KIAA0319: variants seen among roughly 807,000 people sequenced by gnomAD.
KIAA0319 encodes the protein dyslexia-associated protein KIAA0319.
KIAA0319 carries 83 observed loss-of-function variants against 108.4 expected under a neutral mutation model. The observed-to-expected ratio is 0.77, with a 90% confidence interval of 0.64 to 0.92. The LOEUF is 0.92. KIAA0319 is among the 40% of genes least tolerant of loss of function. The pLI is 0.00. For synonymous variants in KIAA0319, 484 were observed against 510.4 expected, an observed-to-expected ratio of 0.95 and a Z score of 0.70; for missense variants, 1,195 against 1,322.4, an observed-to-expected ratio of 0.90 and a Z score of 1.49.
intron 1 of KIAA0319, among the ~76,000 whole-genome samples, chr6:24,644,180 G>A (rs188327744): frequency 3.3e-5 from 5 of 152,282 alleles, no homozygotes; most frequent in Admixed American, 6.5e-5. Flanking sequence ...CATGGTCCCC[G>A]TCTGAGTGAG....
rs1484669399 is a variant in KIAA0319, at chr6:24,559,145, C to A, written c.2602G>T (p.Val868Leu). Residue 868 changes from valine to leucine, a missense_variant, in exon 17 of 21, where the codon GTG becomes TTG. Val to Leu is a conservative substitution (Grantham distance 32). Transcript: ENST00000378214. ...RAHSDLSTVI[V>L]FYVQSRPPFK... ...GGCGGCCTGCTCTGTACATAAAACA[C>A]AATCACGGTGCTGTGGAGGAGACAA... 1.2e-6 allele frequency: 2 copies of A among 1,612,936 alleles called. No homozygotes were observed. The highest frequency in any genetic ancestry group is 2.2e-5 in the South Asian group (2 of 90,976).
chr6:24,616,647 C>T (rs886714139), intron 1 of KIAA0319, among the ~76,000 whole-genome samples: 9 of 152,168 alleles, frequency 5.9e-5, no homozygotes, highest in South Asian at 2.1e-4. Flanking sequence ...CCACCGTGCT[C>T]GGCCTGGTTA....
chr6:24,561,668 G>A (rs918828487), intron 16 of KIAA0319, among the ~76,000 whole-genome samples: 2 of 151,864 alleles, frequency 1.3e-5, no homozygotes, highest in Non-Finnish European at 2.9e-5. Flanking sequence ...TCAGCCTCCT[G>A]GGTAGCTGAG....
chr6:24,638,848 G>T lies in KIAA0319; in HGVS notation c.-106+6888C>A, dbSNP rs187864228. ...TACTAGGGATCTAAGGTACAGCATG[G>T]TAATTATAGTTAACAATCCTGTATT... On this transcript the variant is annotated intron_variant, in intron 1 of 20. Coordinates refer to ENST00000378214, the MANE Select transcript of KIAA0319 (RefSeq NM_014809.4). Among the ~76,000 whole-genome samples the T allele has an allele frequency of 2.1e-4, 32 of 152,210 alleles. No individual in the cohort carries two copies. The East Asian group carries it at 6.0e-3, about 28-fold the overall frequency.
Position 24,554,611 on chromosome 6 carries a change from T to A in KIAA0319, c.2878A>T (p.Thr960Ser). The change falls in exon 19 of 21, where the codon ACA becomes TCA. Residue 960 changes from threonine (T) to serine (S), a missense_variant. By Grantham distance (58) the Thr-to-Ser change is moderately conservative. Transcript: ENST00000378214. ...SNCEWSIFYVTVLAFTLIVLT... is the reference protein window; with the variant it reads ...SNCEWSIFYVSVLAFTLIVLT... ...ACAATAAGAGTAAAAGCCAACACTGTCACATAGAATATACTCCACTCTGAA... is the reference window on the plus strand; with the variant it reads ...ACAATAAGAGTAAAAGCCAACACTGACACATAGAATATACTCCACTCTGAA... The A allele has an allele frequency of 6.2e-7, 1 of 1,613,554 alleles. No homozygotes were observed. Among genetic ancestry groups the A allele is most frequent in the South Asian group, 1.1e-5 (1 of 91,046 alleles).
chr6:24,624,017 C>CTTTTTTTTTTTTTTTTTTTT (rs536970883), intron 1 of KIAA0319, among the ~76,000 whole-genome samples: 1 of 50,540 alleles, frequency 2.0e-5, no homozygotes, highest in Non-Finnish European at 3.6e-5. Flanking sequence ...TCTTTGTTTT[C>CTTTTTTTTTTTTTTTTTTTT]TTTTTTTTTT....
chr6:24,598,335 G>A (rs1770066300), intron 2 of KIAA0319: 11 of 672,394 alleles, frequency 1.6e-5, no homozygotes, highest in South Asian at 1.2e-4. Flanking sequence ...TCAACAACAA[G>A]TTTACCTCCT....
At chr6:24,581,199 A>AT (rs1309395354) in intron 6 of KIAA0319, among the ~76,000 whole-genome samples, 186 bp from the exon 7 acceptor site, 1 of 152,220 alleles carries the variant, frequency 6.6e-6, no homozygotes, top group Non-Finnish European at 1.5e-5. Flanking sequence ...CTGGAGCACT[A>AT]AAGATCACCT....
chr6:24,578,153 C>T lies in KIAA0319; in HGVS notation c.1462G>A (p.Val488Ile), dbSNP rs200269190. 39 of 1,613,252 alleles carry T rather than the reference C, an allele frequency of 2.4e-5. No homozygotes were observed. Among genetic ancestry groups the T allele is most frequent in the Admixed American group, 5.0e-5 (3 of 59,918 alleles). ...GGATCAAGGTTAGACAAGCGTAAGA[C>T]GGGAGAGTCAACTGAAGTCTTCTCT... ...IEEKTSVDSPVLRLSNLDPGN... is the reference protein window; with the variant it reads ...IEEKTSVDSPILRLSNLDPGN... The change falls in exon 9 of 21, where the codon GTC becomes ATC. Residue 488 changes from valine (V) to isoleucine (I), a missense_variant. Val to Ile is a conservative substitution (Grantham distance 29, BLOSUM62 3). Transcript: ENST00000378214.
intron 18 of KIAA0319, 101 bp from the exon 19 acceptor site, chr6:24,554,732 A>G: frequency 3.6e-6 from 3 of 823,674 alleles, no homozygotes; most frequent in South Asian, 1.5e-5. Flanking sequence ...CCTACAAGGA[A>G]AGGCCACCTG....
chr6:24,614,580 T>G (rs1288775959), intron 1 of KIAA0319, among the ~76,000 whole-genome samples: 1 of 152,138 alleles, frequency 6.6e-6, no homozygotes, highest in Non-Finnish European at 1.5e-5. Flanking sequence ...AATATTACTG[T>G]CCCCACTTTA....
chr6:24,606,409 G>A (rs1305660969), intron 1 of KIAA0319, among the ~76,000 whole-genome samples: 2 of 152,136 alleles, frequency 1.3e-5, no homozygotes, highest in African/African-American at 2.4e-5. Flanking sequence ...TCAGAGATGG[G>A]GTAAGGCTCG....
intron 12 of KIAA0319, 84 bp from the exon 13 acceptor site, chr6:24,569,013 T>C (rs1764292929): frequency 7.2e-7 from 1 of 1,391,298 alleles, no homozygotes. Context: ...CTCTTATAAA[T>C]GTTTTGTTCC....
rs974502545 is a variant in KIAA0319 at position 24,609,501 on chromosome 6, C to T, written c.-105-8293G>A. Reference sequence around the variant, plus strand: ...CTGAGGCAGAAGAATTGCTTGAACCCGGGAGAGGAGGTTGCAGTGACCCAA... The same window carrying T: ...CTGAGGCAGAAGAATTGCTTGAACCTGGGAGAGGAGGTTGCAGTGACCCAA... On this transcript the variant is annotated intron_variant, in intron 1 of 20. Coordinates refer to ENST00000378214, the MANE Select transcript of KIAA0319 (RefSeq NM_014809.4). Among the ~76,000 whole-genome samples the T allele has an allele frequency of 2.7e-5, 4 of 150,918 alleles. No homozygotes were observed. In the East Asian group the frequency reaches 5.9e-4, roughly 22 times the overall value.
Position 24,559,039 on chromosome 6 carries a change from A to G in KIAA0319, c.2708T>C (p.Phe903Ser). The G allele has an allele frequency of 6.2e-7, 1 of 1,612,594 alleles. No individual in the cohort carries two copies. Among genetic ancestry groups the G allele is most frequent in the Non-Finnish European group, 8.5e-7 (1 of 1,179,482 alleles). Residue 903 changes from phenylalanine (F) to serine (S), a missense_variant, in exon 17 of 21, where the codon TTC becomes TCC. By Grantham distance (155) the Phe-to-Ser change is radical. Transcript: ENST00000378214. ...LSKEKADFLL[F>S]KVLRVDTAGC... is the part of the protein sequence containing the mutation. ...TGCTGTATCAACCCTCAAGACCTTG[A>G]AAAGCAAGAAGTCAGCCTTCTCCTT...
intron 3 of KIAA0319, 44 bp from the exon 4 acceptor site, chr6:24,588,829 C>T: frequency 7.1e-7 from 1 of 1,416,286 alleles, no homozygotes; most frequent in Non-Finnish European, 9.8e-7. Flanking sequence ...AAAAAAAAAA[C>T]AGTCCAACTC....
intron 1 of KIAA0319, among the ~76,000 whole-genome samples, chr6:24,621,861 A>G (rs1031789507): frequency 6.6e-6 from 1 of 152,210 alleles, no homozygotes; most frequent in African/African-American, 2.4e-5. Flanking sequence ...CCCTGAGCCA[A>G]TGGATGCAAA....
intron 14 of KIAA0319, 102 bp downstream of exon 14, chr6:24,566,495 T>C: frequency 9.4e-7 from 1 of 1,060,552 alleles, no homozygotes; most frequent in Non-Finnish European, 1.3e-6. Context: ...TATACTTATA[T>C]CCTTTCCTTA....
intron 1 of KIAA0319, among the ~76,000 whole-genome samples, chr6:24,629,514 C>CA (rs397974257): frequency 0.054 from 2,291 of 42,372 alleles, 348 homozygotes; most frequent in African/African-American, 0.18. Context: ...GACTCTGTCT[C>CA]AAAAAAAAAA....
Sources: gnomAD v4.1 joint callset for allele counts (sites outside exome capture counted in the v4.1 genomes callset) on GRCh38, gnomAD v4.1.1 for gene constraint, MANE v1.5 for transcripts, NCBI Gene and HGNC (gene_info 2026-07-23, HGNC 2026-07-21) for gene names.